PDGFRB: variants seen among roughly 807,000 people sequenced by gnomAD.
PDGFRB encodes the protein platelet-derived growth factor receptor beta.
Under a neutral mutation model 120.2 loss-of-function variants are expected in PDGFRB, and 42 were observed. The observed-to-expected ratio is 0.35, with a 90% confidence interval of 0.27 to 0.45. PDGFRB has a LOEUF of 0.45. PDGFRB is among the 20% of genes least tolerant of loss of function. The pLI is 1.00. For synonymous variants in PDGFRB, 586 were observed against 606.8 expected, an observed-to-expected ratio of 0.97 and a Z score of 0.50; for missense variants, 1,149 against 1,476.3, an observed-to-expected ratio of 0.78 and a Z score of 3.63.
chr5:150,117,953 C>T (rs1760014566), intron 21 of PDGFRB, 103 bp from the exon 22 acceptor site: 12 of 668,072 alleles, frequency 1.8e-5, no homozygotes, highest in South Asian at 1.3e-4. Context: ...TAAATAAGAC[C>T]CCCGCTGCTC....
Position 150,134,961 on chromosome 5 carries a change from C to T in PDGFRB, c.420G>A (p.Thr140=), listed in dbSNP as rs776778643. 8.7e-6 allele frequency: 14 copies of T among 1,613,306 alleles called. No individual in the cohort carries two copies. Among genetic ancestry groups the T allele is most frequent in the South Asian group, 4.4e-5 (4 of 91,024 alleles). The change falls in exon 4 of 23, where the codon ACG becomes ACA. Residue 140 remains threonine (T), a synonymous_variant. Coordinates refer to ENST00000261799, the MANE Select transcript of PDGFRB (RefSeq NM_002609.4). ...ATGGAATGGTGATCTCAGTTATTTC[C>T]GTGAGAAAGATGAATAGTTCCTCGG... ...NDAEELFIFL[T]EITEITIPCR...
intron 9 of PDGFRB, among the ~76,000 whole-genome samples, chr5:150,130,233 C>T (rs1370602477): frequency 6.6e-6 from 1 of 152,178 alleles, no homozygotes; most frequent in South Asian, 2.1e-4. Context: ...TGCACTGAAT[C>T]CTGCCTCTGT....
At chr5:150,119,098 C>T (rs140777210) in intron 20 of PDGFRB, among the ~76,000 whole-genome samples, 2 of 152,248 alleles carry the variant, frequency 1.3e-5, no homozygotes, top group Non-Finnish European at 1.5e-5. Context: ...AGCCAACCTT[C>T]GCCAACAGTT....
rs1389761766 is a variant in PDGFRB, at chr5:150,132,501, C to G, written c.1127+249G>C. Among the ~76,000 whole-genome samples the G allele has an allele frequency of 6.6e-6, 1 of 152,172 alleles. No homozygotes were observed. Among genetic ancestry groups the G allele is most frequent in the South Asian group, 2.1e-4 (1 of 4,830 alleles). ...CCCGTTTACTTCTTGGCTGCTACTG[C>G]TGGCCCCACCCATCACAAGGACAAC... On this transcript the variant is annotated intron_variant, in intron 7 of 22. Transcript: ENST00000261799. The surrounding 1 kb of genome is among the most constrained non-coding windows in gnomAD (Gnocchi z 5.0).
chr5:150,138,169 G>A (rs966845390), intron 1 of PDGFRB, among the ~76,000 whole-genome samples: 4 of 152,234 alleles, frequency 2.6e-5, no homozygotes, highest in African/African-American at 9.6e-5. Flanking sequence ...GGACGCCAGA[G>A]GACAGGGGTC....
intron 1 of PDGFRB, among the ~76,000 whole-genome samples, chr5:150,142,879 T>G (rs1178477859): frequency 1.3e-5 from 2 of 152,220 alleles, no homozygotes; most frequent in African/African-American, 4.8e-5. Flanking sequence ...TATCGTTCAC[T>G]CTTCTTGTGA....
At position 150,135,805 on chromosome 5, in the gene PDGFRB, C is replaced by CG; in HGVS notation, c.113dup (p.Pro40AlafsTer65). 1 of 1,591,394 alleles carries CG rather than the reference C, an allele frequency of 6.3e-7. No individual in the cohort carries two copies. The highest frequency in any genetic ancestry group is 2.2e-5 in the East Asian group (1 of 44,502). ...AGACATTGAGGACAAGCTCTGGCCCCGGGGGTGTGACGACCAGGCCCTGAG... is the reference window on the plus strand; with the variant it reads ...AGACATTGAGGACAAGCTCTGGCCCCGGGGGGTGTGACGACCAGGCCCTGAG... On this transcript the variant is annotated frameshift_variant, in exon 3 of 23. Transcript: ENST00000261799. LOFTEE classifies it high-confidence loss of function.
chr5:150,146,706 G>A (rs1010192749), intron 1 of PDGFRB, among the ~76,000 whole-genome samples: 5 of 152,138 alleles, frequency 3.3e-5, no homozygotes, highest in African/African-American at 9.7e-5. Context: ...CTACAGGTGC[G>A]CATCACCACA....
intron 1 of PDGFRB, among the ~76,000 whole-genome samples, chr5:150,149,998 C>T (rs756610297): frequency 6.6e-6 from 1 of 152,198 alleles, no homozygotes; most frequent in Non-Finnish European, 1.5e-5. Flanking sequence ...GGCTTCTCCC[C>T]ACTTTATTAT....
intron 4 of PDGFRB, among the ~76,000 whole-genome samples, chr5:150,134,508 G>A (rs1227488260): frequency 1.3e-5 from 2 of 152,200 alleles, no homozygotes; most frequent in African/African-American, 2.4e-5. Context: ...TGCCCTCACC[G>A]ACCATGTTGC....
intron 4 of PDGFRB, 26 bp from the exon 5 acceptor site, chr5:150,134,034 CT>C (rs1393526700): frequency 6.2e-7 from 1 of 1,612,676 alleles, no homozygotes; most frequent in Non-Finnish European, 8.5e-7. Context: ...TGGCTTAGGT[CT>C]GGGGAAGTCA....
chr5:150,145,633 C>T lies in PDGFRB; in HGVS notation c.-6-8580G>A, dbSNP rs918352551. On this transcript the variant is annotated intron_variant, in intron 1 of 22. Transcript: ENST00000261799. ...CTGGGCAGACAGGCTCCAGAGCACA[C>T]AGCCCAATGCCCATGAGACAGCCCC... Among the ~76,000 whole-genome samples, 19 of 152,336 alleles carry T rather than the reference C, an allele frequency of 1.2e-4. No individual in the cohort carries two copies. The East Asian group carries it at 3.7e-3, about 29-fold the overall frequency.
chr5:150,131,644 A>G (rs888804778), intron 8 of PDGFRB, among the ~76,000 whole-genome samples: 2 of 152,164 alleles, frequency 1.3e-5, no homozygotes, highest in African/African-American at 4.8e-5. Flanking sequence ...AGAACCTTGA[A>G]GAGACAGGCA....
In PDGFRB at chr5:150,155,739, T is replaced by C. The variant is rs1761214058; in HGVS notation, c.-349A>G. ...ACAGGCTGCTGCTGGGCAGCAGGGC[T>C]GAGGGGCCGGCTCTCTCCTCCTCCT... On this transcript the variant is annotated 5_prime_UTR_variant, in exon 1 of 23. Transcript: ENST00000261799. 2 of 398,568 alleles carry C rather than the reference T, an allele frequency of 5.0e-6. No homozygotes were observed. The highest frequency in any genetic ancestry group is 8.8e-6 in the Non-Finnish European group (2 of 226,154). 24.7% of individuals were successfully genotyped at this position (398,568 alleles called of 1,614,324 possible).
Position 150,132,067 on chromosome 5 carries a change from G to A in PDGFRB, c.1155C>T (p.Arg385=), listed in dbSNP as rs149294219. ...TRYVSELTLV[R]VKVAEAGHYT... ...AGTGGCCAGCCTCTGCCACCTTCAC[G>A]CGAACCAGTGTCAGCTCTGACACAT... The change falls in exon 8 of 23, where the codon CGC becomes CGT. Residue 385 remains arginine, a synonymous_variant. Transcript: ENST00000261799. The surrounding 1 kb of genome is among the most constrained non-coding windows in gnomAD (Gnocchi z 5.0). The A allele has an allele frequency of 4.8e-5, 78 of 1,608,390 alleles. No homozygotes were observed. In the African/African-American group the frequency reaches 7.8e-4, roughly 16 times the overall value.
At chr5:150,118,091 C>CT (rs1419225677) in intron 21 of PDGFRB, among the ~76,000 whole-genome samples, 2 of 152,156 alleles carry the variant, frequency 1.3e-5, no homozygotes, top group Non-Finnish European at 2.9e-5. Context: ...ACCCAGGACT[C>CT]TAACTCTTCC....
intron 1 of PDGFRB, among the ~76,000 whole-genome samples, chr5:150,148,204 C>T (rs1012654538): frequency 6.6e-6 from 1 of 152,212 alleles, no homozygotes; most frequent in Non-Finnish European, 1.5e-5. Flanking sequence ...TTACTTCTTT[C>T]CTGAACTTTT....
At chr5:150,144,149 G>C (rs2113923996) in intron 1 of PDGFRB, among the ~76,000 whole-genome samples, 1 of 152,220 alleles carries the variant, frequency 6.6e-6, no homozygotes, top group East Asian at 1.9e-4. Context: ...TCCAGCACAG[G>C]CTCGGCTGCC....
At position 150,133,982 on chromosome 5, in the gene PDGFRB, C is replaced by A; in HGVS notation, c.658G>T (p.Ala220Ser). The change falls in exon 5 of 23, where the codon GCA becomes TCA. Residue 220 changes from alanine to serine, a missense_variant. This residue lies in a region of PDGFRB where 879 missense variants were observed against 1,108.6 expected (regional missense o/e 0.79). Coordinates refer to ENST00000261799, the MANE Select transcript of PDGFRB (RefSeq NM_002609.4). ...CCCTGGCGGACCACAGTCTGCACTG[C>A]GTTCACAGAGACGTTGATGGATGAC... ...QVSSINVSVNAVQTVVRQGEN... is the reference protein window; with the variant it reads ...QVSSINVSVNSVQTVVRQGEN... The A allele has an allele frequency of 1.9e-6, 3 of 1,613,890 alleles. No homozygotes were observed. The highest frequency in any genetic ancestry group is 2.5e-6 in the Non-Finnish European group (3 of 1,179,832).
Sources: gnomAD v4.1 joint callset for allele counts (sites outside exome capture counted in the v4.1 genomes callset) on GRCh38, gnomAD v4.1.1 for gene constraint, gnomAD v4.1.1 regional missense constraint, Gnocchi (gnomAD v3.1) non-coding constraint, MANE v1.5 for transcripts, NCBI Gene and HGNC (gene_info 2026-07-23, HGNC 2026-07-21) for gene names.